PALLD: variants seen among roughly 807,000 people sequenced by gnomAD.
PALLD encodes palladin, cytoskeletal associated protein.
In PALLD, 61 loss-of-function variants were observed where a neutral mutation model predicts 123.5. The observed-to-expected ratio is 0.49, with a 90% CI of 0.40 to 0.61. The LOEUF is 0.61. PALLD is among the 20% of genes least tolerant of loss of function. The probability of loss-of-function intolerance (pLI) is 0.00; values close to 1 mark genes in which losing one functional copy is unlikely to be tolerated. For synonymous variants in PALLD, 465 were observed against 496.4 expected, an observed-to-expected ratio of 0.94 and a Z score of 0.84; for missense variants, 1,273 against 1,377.0, an observed-to-expected ratio of 0.92 and a Z score of 1.20.
intron 12 of PALLD, 45 bp from the exon 13 acceptor site, chr4:168,896,504 T>C (rs781098627): frequency 9.0e-7 from 1 of 1,107,596 alleles, no homozygotes; most frequent in African/African-American, 1.5e-5. Context: ...TGCATTCTTA[T>C]TATTTCTATT....
chr4:168,791,146 G>C (rs1737460792), intron 10 of PALLD, among the ~76,000 whole-genome samples: 1 of 152,152 alleles, frequency 6.6e-6, no homozygotes, highest in Non-Finnish European at 1.5e-5. Flanking sequence ...TTGCAGCCCT[G>C]ACCTAAATCC....
chr4:168,829,428 A>G (rs1743886921), intron 10 of PALLD, among the ~76,000 whole-genome samples: 2 of 152,202 alleles, frequency 1.3e-5, no homozygotes, highest in Admixed American at 1.3e-4. Flanking sequence ...GCCGGTAAAC[A>G]CTACAGGTGG....
chr4:168,611,813 T>C (rs1773755002), intron 2 of PALLD, among the ~76,000 whole-genome samples: 1 of 152,320 alleles, frequency 6.6e-6, no homozygotes, highest in South Asian at 2.1e-4. Flanking sequence ...TCTGTCCTAC[T>C]GAAAGAGCTC....
intron 2 of PALLD, among the ~76,000 whole-genome samples, chr4:168,609,509 G>T (rs1269097300): frequency 6.6e-6 from 1 of 152,178 alleles, no homozygotes; most frequent in Non-Finnish European, 1.5e-5. Context: ...TTGGGCAAGG[G>T]CTGCCCTGTG....
At chr4:168,580,334 A>C (rs1770117034) in intron 2 of PALLD, among the ~76,000 whole-genome samples, 3 of 151,998 alleles carry the variant, frequency 2.0e-5, no homozygotes, top group Admixed American at 6.6e-5. Flanking sequence ...GACAACTTTC[A>C]AAAGAAGACA....
intron 2 of PALLD, among the ~76,000 whole-genome samples, chr4:168,613,215 C>T (rs919341021): frequency 1.3e-5 from 2 of 152,154 alleles, no homozygotes; most frequent in African/African-American, 2.4e-5. Context: ...GAGGGGTTTA[C>T]TGGGATGCAG....
chr4:168,893,865 T>C (rs1034168537), intron 11 of PALLD, among the ~76,000 whole-genome samples: 1 of 152,230 alleles, frequency 6.6e-6, no homozygotes, highest in African/African-American at 2.4e-5. Flanking sequence ...AGCAGTCTGC[T>C]TCTGGGTCAA....
chr4:168,901,082 T>C (rs1756416595), intron 14 of PALLD, among the ~76,000 whole-genome samples: 1 of 152,226 alleles, frequency 6.6e-6, no homozygotes, highest in Non-Finnish European at 1.5e-5. Flanking sequence ...TTTAAACTTT[T>C]CATTGTTAAA....
intron 10 of PALLD, among the ~76,000 whole-genome samples, chr4:168,723,570 A>G (rs1786236766): frequency 6.6e-6 from 1 of 152,214 alleles, no homozygotes; most frequent in African/African-American, 2.4e-5. Context: ...ATGAGGAGGA[A>G]GAAAGCTATA....
intron 2 of PALLD, among the ~76,000 whole-genome samples, chr4:168,569,597 T>A (rs543865742): frequency 6.6e-6 from 1 of 152,146 alleles, no homozygotes; most frequent in African/African-American, 2.4e-5. Flanking sequence ...TATGAATCAG[T>A]AACGGTGATG....
At chr4:168,711,484 C>A in intron 9 of PALLD, 97 bp from the exon 10 acceptor site, 1 of 915,964 alleles carries the variant, frequency 1.1e-6, no homozygotes, top group South Asian at 1.4e-5. Flanking sequence ...AACAACTTCA[C>A]ACAACACAGG....
intron 10 of PALLD, among the ~76,000 whole-genome samples, chr4:168,811,766 T>TCC (rs1395576537): frequency 2.1e-5 from 2 of 94,396 alleles, no homozygotes; most frequent in African/African-American, 9.9e-5. Flanking sequence ...TTTCTCTCTC[T>TCC]CTCTCTCTCT....
intron 2 of PALLD, chr4:168,631,816 G>A (rs1775844897): frequency 1.0e-6 from 1 of 985,468 alleles, no homozygotes. Flanking sequence ...CCCAGAAGTT[G>A]CAAGCTGGGA....
At chr4:168,888,774 A>C (rs1339547813) in intron 10 of PALLD, among the ~76,000 whole-genome samples, 4 of 152,056 alleles carry the variant, frequency 2.6e-5, no homozygotes, top group Non-Finnish European at 5.9e-5. Context: ...GGGGAGGGGG[A>C]TCACATTTCT....
intron 2 of PALLD, among the ~76,000 whole-genome samples, chr4:168,585,723 A>G (rs896914184): frequency 5.3e-5 from 8 of 152,096 alleles, no homozygotes; most frequent in African/African-American, 1.9e-4. Context: ...TGTGGACACA[A>G]TACCAGTTGA....
intron 2 of PALLD, among the ~76,000 whole-genome samples, chr4:168,575,365 G>A (rs1194460572): frequency 6.6e-6 from 1 of 151,932 alleles, no homozygotes; most frequent in Non-Finnish European, 1.5e-5. Context: ...CATGGCAGCA[G>A]GTGAGAGAGT....
At chr4:168,670,177 G>C (rs911753149) in intron 3 of PALLD, among the ~76,000 whole-genome samples, 5 of 152,168 alleles carry the variant, frequency 3.3e-5, no homozygotes, top group African/African-American at 1.2e-4. Context: ...TCCAAGTTCA[G>C]ATAGAGCACT....
chr4:168,902,343 A>G (rs1756701983), intron 14 of PALLD, among the ~76,000 whole-genome samples: 1 of 152,156 alleles, frequency 6.6e-6, no homozygotes. Context: ...GGAAAGGTTT[A>G]TTTGCTTATC....
chr4:168,587,197 C>T (rs973407114), intron 2 of PALLD, among the ~76,000 whole-genome samples: 4 of 152,068 alleles, frequency 2.6e-5, no homozygotes, highest in Admixed American at 1.3e-4. Flanking sequence ...ATCTGCTAAG[C>T]TTTCAAATGA....
Sources: allele counts gnomAD v4.1 joint callset (sites outside exome capture counted in the v4.1 genomes callset), GRCh38; gene constraint gnomAD v4.1.1; transcripts MANE v1.5; gene names NCBI Gene and HGNC (gene_info 2026-07-23, HGNC 2026-07-21).